The following SORD variants were observed in gnomAD, a reference collection of about 807,000 sequenced individuals.
SORD encodes sorbitol dehydrogenase.
In SORD, 18 loss-of-function variants were observed where a neutral mutation model predicts 35.6. The observed-to-expected ratio is 0.51, with a 90% CI of 0.35 to 0.75. SORD has a LOEUF of 0.75. Ranked by LOEUF, SORD falls within the 30% of genes least tolerant of loss-of-function variation. SORD has a pLI of 0.01. For missense variants in SORD, 250 were observed against 390.2 expected (o/e 0.64, Z 3.03); for synonymous variants, 106 against 152.9 (o/e 0.69, Z 2.26).
chr15:45,035,496 T>C (rs1383074766), intron 1 of SORD, among the ~76,000 whole-genome samples: 1 of 151,916 alleles, frequency 6.6e-6, no homozygotes, highest in Non-Finnish European at 1.5e-5. Flanking sequence ...TGTGTCTAGC[T>C]CAGGGATTGT....
intron 3 of SORD, among the ~76,000 whole-genome samples, chr15:45,053,535 C>T (rs554166965): frequency 6.6e-6 from 1 of 152,188 alleles, no homozygotes; most frequent in Non-Finnish European, 1.5e-5. Context: ...AAAATTTACA[C>T]AGTAGACCAT....
chr15:45,059,374 A>C (rs4774511), intron 3 of SORD, among the ~76,000 whole-genome samples: 3,969 of 152,046 alleles, frequency 0.026, 59 homozygotes, highest in Non-Finnish European at 0.036. Context: ...CAAAAAAAAA[A>C]CCCCAAAAAA....
At chr15:45,027,905 G>T (rs1378574223) in intron 1 of SORD, among the ~76,000 whole-genome samples, 2 of 152,258 alleles carry the variant, frequency 1.3e-5, no homozygotes. Flanking sequence ...TGCATTCCAG[G>T]CATGTGCTGG....
intron 1 of SORD, among the ~76,000 whole-genome samples, chr15:45,028,695 T>C (rs1892720298): frequency 6.6e-6 from 1 of 152,172 alleles, no homozygotes; most frequent in Non-Finnish European, 1.5e-5. Flanking sequence ...TACTCGGAGG[T>C]CCATGAAGAT....
chr15:45,055,267 A>G (rs1199240490), intron 3 of SORD, among the ~76,000 whole-genome samples: 1 of 152,250 alleles, frequency 6.6e-6, no homozygotes, highest in East Asian at 1.9e-4. Context: ...GGAAAAAAAG[A>G]GAAGAATCAA....
chr15:45,029,414 G>A (rs1892734088), intron 1 of SORD, among the ~76,000 whole-genome samples: 1 of 150,542 alleles, frequency 6.6e-6, no homozygotes, highest in African/African-American at 2.5e-5. Context: ...CTTGTGGGAG[G>A]GAGCACATGA....
intron 2 of SORD, among the ~76,000 whole-genome samples, chr15:45,042,931 G>C (rs1892992460): frequency 6.6e-6 from 1 of 151,648 alleles, no homozygotes; most frequent in African/African-American, 2.4e-5. Flanking sequence ...ATTGGATGAG[G>C]CTCACCCACA....
intron 3 of SORD, among the ~76,000 whole-genome samples, chr15:45,054,271 A>C (rs1160265203): frequency 3.3e-5 from 5 of 152,118 alleles, no homozygotes; most frequent in Non-Finnish European, 5.9e-5. Context: ...ACAGTGTAAA[A>C]GTGTTCCTAT....
At chr15:45,051,318 A>C (rs911533634) in intron 3 of SORD, among the ~76,000 whole-genome samples, 1 of 152,358 alleles carries the variant, frequency 6.6e-6, no homozygotes, top group African/African-American at 2.4e-5. Context: ...ACTAAAATAT[A>C]ACCTAAAGAA....
intron 1 of SORD, among the ~76,000 whole-genome samples, chr15:45,036,816 A>G (rs1194084766): frequency 6.6e-6 from 1 of 152,248 alleles, no homozygotes; most frequent in African/African-American, 2.4e-5. Context: ...CTGTGGAGAT[A>G]AAAGTGAAAG....
At chr15:45,059,519 A>G (rs1007756496) in intron 3 of SORD, among the ~76,000 whole-genome samples, 1 of 152,214 alleles carries the variant, frequency 6.6e-6, no homozygotes, top group Non-Finnish European at 1.5e-5. Flanking sequence ...TTTTTGAGAC[A>G]GTTTTGCTCT....
At chr15:45,069,383 A>AT (rs1227651888) in intron 7 of SORD, among the ~76,000 whole-genome samples, 5 of 149,436 alleles carry the variant, frequency 3.3e-5, no homozygotes, top group East Asian at 2.0e-4. Context: ...AGTTTTTTGT[A>AT]TTTTTTTTAG....
At chr15:45,048,211 A>C (rs905947374) in intron 3 of SORD, among the ~76,000 whole-genome samples, 2 of 152,200 alleles carry the variant, frequency 1.3e-5, no homozygotes, top group Non-Finnish European at 2.9e-5. Context: ...TTCCAGGGGA[A>C]ATTTTTGCCA....
intron 4 of SORD, among the ~76,000 whole-genome samples, chr15:45,062,605 G>A (rs76211825): frequency 0.028 from 4,214 of 149,488 alleles, 6 homozygotes; most frequent in African/African-American, 0.079. Context: ...GAGACCTTGT[G>A]ATGGGTTTAA....
intron 7 of SORD, among the ~76,000 whole-genome samples, 166 bp downstream of exon 7, chr15:45,069,218 T>G (rs1301262223): frequency 2.9e-5 from 4 of 137,324 alleles, no homozygotes; most frequent in Non-Finnish European, 6.4e-5. Flanking sequence ...TTTTTTTTTT[T>G]TTTTTTGAGA....
chr15:45,055,454 T>A lies in SORD; in HGVS notation c.266-5613T>A, dbSNP rs922760388. On this transcript the variant is annotated intron_variant, in intron 3 of 8. Coordinates refer to ENST00000267814, the MANE Select transcript of SORD (RefSeq NM_003104.6). ...GACTAAACCAGGAAGAAGTTGAATC[T>A]CTGAATAGACCAATAACAGGCTCTG... is the stretch of plus-strand genomic sequence containing the variant. Among the ~76,000 whole-genome samples, 22 of 152,280 alleles carry A rather than the reference T, an allele frequency of 1.4e-4. 1 individual carries two copies. Among genetic ancestry groups the A allele is most frequent in the Admixed American group, 1.4e-3 (22 of 15,292 alleles).
chr15:45,066,817 G>A (rs1160185407), intron 5 of SORD, among the ~76,000 whole-genome samples: 4 of 152,174 alleles, frequency 2.6e-5, no homozygotes, highest in Non-Finnish European at 4.4e-5. Flanking sequence ...CTAGCAGACT[G>A]CGGGACTCAG....
chr15:45,064,357 G>A (rs1262915996), intron 4 of SORD, among the ~76,000 whole-genome samples: 1 of 152,122 alleles, frequency 6.6e-6, no homozygotes, highest in Admixed American at 6.5e-5. Flanking sequence ...TGTAAACTAA[G>A]GGTTTTCTAA....
intron 3 of SORD, among the ~76,000 whole-genome samples, chr15:45,060,486 T>G (rs1433661822): frequency 6.6e-6 from 1 of 151,984 alleles, no homozygotes. Flanking sequence ...TGTACCAGAG[T>G]CCTCTGCAGG....
Sources: gnomAD v4.1 joint callset for allele counts (sites outside exome capture counted in the v4.1 genomes callset) on GRCh38, gnomAD v4.1.1 for gene constraint, MANE v1.5 for transcripts, NCBI Gene and HGNC (gene_info 2026-07-23, HGNC 2026-07-21) for gene names.